The following MID1 variants were observed in gnomAD, a reference collection of about 807,000 sequenced individuals.
MID1 encodes the protein midline 1, also known as E3 ubiquitin-protein ligase Midline-1.
In MID1, 7 loss-of-function variants were observed where a neutral mutation model predicts 40.4. The ratio of observed to expected loss-of-function variants is 0.17; its 90% CI spans 0.10 to 0.33. MID1 has a LOEUF of 0.33. MID1 is among the 10% of genes least tolerant of loss of function. MID1 has a pLI of 1.00. For synonymous variants in MID1, 229 were observed against 221.2 expected (o/e 1.04, Z -0.31); for missense variants, 367 against 558.5 (o/e 0.66, Z 3.46).
intron 2 of MID1, among the ~76,000 whole-genome samples, chrX:10,531,205 T>C (rs1461842878): frequency 2.7e-5 from 3 of 111,725 alleles, no homozygotes; most frequent in Non-Finnish European, 5.6e-5. Flanking sequence ...ATCACAATAG[T>C]TAATATGAAA....
At chrX:10,787,391 A>G (rs905020254) in intron 1 of MID1, among the ~76,000 whole-genome samples, 4 of 108,517 alleles carry the variant, frequency 3.7e-5, no homozygotes, top group Admixed American at 9.9e-5. Flanking sequence ...AAATTTGAAT[A>G]TTGTATAATA....
chrX:10,481,410 G>T (rs1200896205), intron 5 of MID1, among the ~76,000 whole-genome samples: 1 of 111,778 alleles, frequency 8.9e-6, no homozygotes, highest in African/African-American at 3.3e-5. Context: ...GCTGTACCTG[G>T]CCCAGCCTAG....
chrX:10,720,631 T>A (rs1271683820), intron 1 of MID1, among the ~76,000 whole-genome samples: 1 of 111,890 alleles, frequency 8.9e-6, no homozygotes, highest in Non-Finnish European at 1.9e-5. Flanking sequence ...ATTGTGGAAG[T>A]CAGTGTGGCG....
At chrX:10,801,757 C>T (rs915566814) in intron 1 of MID1, among the ~76,000 whole-genome samples, 2 of 111,804 alleles carry the variant, frequency 1.8e-5, no homozygotes, top group Admixed American at 1.9e-4. Flanking sequence ...TATAAGAAAA[C>T]GTAGGAAATA....
intron 1 of MID1, among the ~76,000 whole-genome samples, chrX:10,753,645 T>G (rs2043613321): frequency 9.0e-6 from 1 of 111,495 alleles, no homozygotes; most frequent in South Asian, 3.7e-4. Context: ...AAAGATAGGC[T>G]TGCTCAAAAA....
chrX:10,556,698 T>A (rs1444167244), intron 2 of MID1, among the ~76,000 whole-genome samples: 1 of 112,352 alleles, frequency 8.9e-6, no homozygotes, highest in African/African-American at 3.2e-5. Flanking sequence ...TTTTCCTTTT[T>A]GATGCGACAT....
chrX:10,714,350 T>A (rs1351762926), intron 1 of MID1, among the ~76,000 whole-genome samples: 1 of 112,064 alleles, frequency 8.9e-6, no homozygotes, highest in Non-Finnish European at 1.9e-5. Context: ...GAGCGAAGCC[T>A]GGGTTAAAGT....
chrX:10,698,446 A>G (rs973307518), intron 1 of MID1, among the ~76,000 whole-genome samples: 1 of 112,083 alleles, frequency 8.9e-6, no homozygotes, highest in African/African-American at 3.3e-5. Context: ...TGTCTTATGC[A>G]CATGGTTCTG....
chrX:10,624,703 T>C (rs749950817), upstream of MID1, among the ~76,000 whole-genome samples: 1 of 112,119 alleles, frequency 8.9e-6, no homozygotes, highest in Non-Finnish European at 1.9e-5. Context: ...CTCAACCGTC[T>C]GGACTCAAGT....
chrX:10,764,184 G>C (rs902931045), intron 1 of MID1, among the ~76,000 whole-genome samples: 6 of 111,808 alleles, frequency 5.4e-5, no homozygotes, highest in South Asian at 3.7e-4. Context: ...GATCCCATTT[G>C]TCAATTTTGG....
chrX:10,625,582 G>T (rs1160639843), upstream of MID1, among the ~76,000 whole-genome samples: 1 of 112,085 alleles, frequency 8.9e-6, no homozygotes, highest in Non-Finnish European at 1.9e-5. Flanking sequence ...TATCAATAAT[G>T]AAATTTTGCT....
chrX:10,557,888 G>A (rs1934182995), intron 2 of MID1, among the ~76,000 whole-genome samples: 1 of 111,334 alleles, frequency 9.0e-6, no homozygotes, highest in Non-Finnish European at 1.9e-5. Context: ...TGACAGGGTG[G>A]TGGTTTTTGA....
At position 10,446,957 on chromosome X, in the gene MID1, CA is replaced by C. The variant is rs1928067794; in HGVS notation, c.*2410del. 9.0e-6 allele frequency: 1 copy of C among 111,433 alleles called. No homozygotes were observed. Among genetic ancestry groups the C allele is most frequent in the South Asian group, 3.7e-4 (1 of 2,674 alleles). 9.2% of individuals were successfully genotyped at this position (111,433 alleles called of 1,213,427 possible). A position where few individuals can be genotyped will look rare whatever the true frequency, so the allele number is the denominator to read the frequency against. ...GACCTCAATCAGTTTAAAGAGAATG[CA>C]AAATTACACTGCAGCAAATTTTTAC... On this transcript the variant is annotated 3_prime_UTR_variant, in exon 10 of 10. Coordinates refer to ENST00000317552, the MANE Select transcript of MID1 (RefSeq NM_000381.4).
chrX:10,547,850 G>T (rs1398614608), intron 2 of MID1, among the ~76,000 whole-genome samples: 1 of 110,976 alleles, frequency 9.0e-6, no homozygotes, highest in African/African-American at 3.3e-5. Flanking sequence ...CCAGAGTCAA[G>T]CTTATCTGAG....
rs1328540259 is a variant in MID1 at position 10,817,745 on chromosome X, G to C, written c.-187+15809C>G. 1.2e-4 allele frequency among the ~76,000 whole-genome samples: 13 copies of C among 106,895 alleles called. No individual in the cohort carries two copies. The Admixed American group carries it at 1.3e-3, about 11-fold the overall frequency. The allele number at this position is 106,895 out of a possible 115,157, so 92.8% of individuals were successfully genotyped here. ...CGTGATTCTCGTGCTTCAGCCGCCT[G>C]AGTAGCTGGGAATACAGGCGTGCGC... On this transcript the variant is annotated intron_variant, in intron 1 of 10. Coordinates refer to the MID1 transcript ENST00000380785.
At chrX:10,538,357 A>G (rs1171933148) in intron 2 of MID1, among the ~76,000 whole-genome samples, 5 of 111,038 alleles carry the variant, frequency 4.5e-5, no homozygotes, top group Non-Finnish European at 9.4e-5. Flanking sequence ...GTTTTTTTAA[A>G]AGACTCCTTG....
intron 1 of MID1, among the ~76,000 whole-genome samples, chrX:10,824,082 G>A (rs1057112231): frequency 9.0e-6 from 1 of 111,605 alleles, no homozygotes; most frequent in Non-Finnish European, 1.9e-5. Context: ...AAACCAAATA[G>A]ACAAATATAT....
chrX:10,505,456 T>C (rs747063319), intron 3 of MID1: 19 of 752,690 alleles, frequency 2.5e-5, no homozygotes, highest in Middle Eastern at 7.6e-4. Flanking sequence ...CTCTTATTAA[T>C]TACACACTTT....
At chrX:10,560,796 C>G (rs1442054494) in intron 2 of MID1, among the ~76,000 whole-genome samples, 1 of 110,708 alleles carries the variant, frequency 9.0e-6, no homozygotes, top group Non-Finnish European at 1.9e-5. Flanking sequence ...CCATACTGCC[C>G]AAAGTAATTT....
Sources: gnomAD v4.1 joint callset for allele counts (sites outside exome capture counted in the v4.1 genomes callset) on GRCh38, gnomAD v4.1.1 for gene constraint, MANE v1.5 for transcripts, NCBI Gene and HGNC (gene_info 2026-07-23, HGNC 2026-07-21) for gene names.